FES: variants seen among roughly 807,000 people sequenced by gnomAD.
FES encodes tyrosine-protein kinase Fes/Fps.
A neutral mutation model predicts 109.6 loss-of-function variants in FES; 83 were observed. That is an observed-to-expected ratio of 0.76 (90% CI 0.63 to 0.91). The LOEUF (loss-of-function observed/expected upper bound fraction) is 0.91, where lower values mean the gene tolerates loss of function less well. Among genes scored for constraint, FES ranks in the 40% least tolerant of loss-of-function variants. FES has a pLI of 0.00. For missense variants in FES, 943 were observed against 1,070.9 expected (o/e 0.88, Z 1.67); for synonymous variants, 458 against 442.1 (o/e 1.04, Z -0.45).
chr15:90,889,085 C>T lies in FES; in HGVS notation c.669-221C>T, dbSNP rs2032944058. On this transcript the variant is annotated intron_variant, in intron 5 of 18. Transcript: ENST00000328850. The surrounding 1 kb of genome is among the most constrained non-coding windows in gnomAD (Gnocchi z 6.1). The stretch of plus-strand genomic sequence containing the variant: ...TATAGGCGTGAGCCACTGTGCCTGG[C>T]CCACTGGATCCTTATTACAACTGCC... The T allele has an allele frequency of 3.4e-6, 2 of 590,304 alleles. No individual in the cohort carries two copies. The highest frequency in any genetic ancestry group is 2.2e-5 in the South Asian group (1 of 46,286). The allele number at this position is 590,304 out of a possible 1,614,324, so 36.6% of individuals were successfully genotyped here.
intron 3 of FES, among the ~76,000 whole-genome samples, chr15:90,886,271 T>A (rs2032612499): frequency 6.6e-6 from 1 of 152,260 alleles, no homozygotes; most frequent in African/African-American, 2.4e-5. Context: ...AAAGTTTTGC[T>A]GGAACACAGC....
At chr15:90,892,678 G>C in intron 13 of FES, 29 bp from the exon 14 acceptor site, 1 of 1,569,706 alleles carries the variant, frequency 6.4e-7, no homozygotes, top group Non-Finnish European at 8.7e-7. Flanking sequence ...GACTGGGAAG[G>C]CCGTGGTAGG....
chr15:90,889,138 TAGA>T lies in FES; in HGVS notation c.669-164_669-162del. 1 of 785,456 alleles carries T rather than the reference TAGA, an allele frequency of 1.3e-6. No individual in the cohort carries two copies. The highest frequency in any genetic ancestry group is 2.0e-6 in the Non-Finnish European group (1 of 501,316). 48.7% of individuals were successfully genotyped at this position (785,456 alleles called of 1,614,324 possible). A position where few individuals can be genotyped will look rare whatever the true frequency, so the allele number is the denominator to read the frequency against. On this transcript the variant is annotated intron_variant, in intron 5 of 18. Coordinates refer to ENST00000328850, the MANE Select transcript of FES (RefSeq NM_002005.4). This position sits in a 1 kb window ranked among gnomAD's most constrained non-coding sequence, Gnocchi z 6.1. ...TGTCCCTCTTATATATATCAGGAAA[TAGA>T]AGATTAGGGAGAGGTTAAATAATTT...
At chr15:90,890,013 C>G in intron 8 of FES, 51 bp downstream of exon 8, 1 of 1,596,460 alleles carries the variant, frequency 6.3e-7, no homozygotes, top group Non-Finnish European at 8.5e-7. Flanking sequence ...TCCCTCCTAC[C>G]TACCCTAACT....
Position 90,890,142 on chromosome 15 carries a change from T to C in FES, c.1100T>C (p.Leu367Pro), listed in dbSNP as rs1567097661. 1 of 1,587,884 alleles carries C rather than the reference T, an allele frequency of 6.3e-7. No individual in the cohort carries two copies. The highest frequency in any genetic ancestry group is 1.1e-5 in the South Asian group (1 of 89,296). Residue 367 changes from leucine to proline, a missense_variant, in exon 9 of 19, where the codon CTG (leucine) becomes CCG (proline). Leu to Pro is a moderately conservative substitution (Grantham distance 98). Transcript: ENST00000328850. ...RQVLQEALQG[L>P]QVALCSQAKL... ...GTGCTGCAAGAAGCACTGCAGGGGC[T>C]GCAGGTAGCGCTGTGCAGCCAGGCC...
intron 9 of FES, 26 bp downstream of exon 9, chr15:90,890,304 G>A (rs776814325): frequency 6.3e-7 from 1 of 1,586,512 alleles, no homozygotes; most frequent in South Asian, 1.1e-5. Context: ...CGCGGCCGCT[G>A]CCCGCCACCG....
At position 90,890,411 on chromosome 15, in the gene FES, G is replaced by A. The variant is rs769925657; in HGVS notation, c.1247G>A (p.Arg416Gln). 2.1e-5 allele frequency: 34 copies of A among 1,612,860 alleles called. No homozygotes were observed. Among genetic ancestry groups the A allele is most frequent in the Non-Finnish European group, 2.5e-5 (30 of 1,179,910 alleles). ...RHSTSSSEQEREGGRTPTLEI... is the reference protein window; with the variant it reads ...RHSTSSSEQEQEGGRTPTLEI... Reference sequence around the variant, plus strand: ...TGTCCCTGGCCTCAGGAGCAGGAGCGAGAGGGGGGAAGGACACCCACGCTG... The same window carrying A: ...TGTCCCTGGCCTCAGGAGCAGGAGCAAGAGGGGGGAAGGACACCCACGCTG... The change falls in exon 10 of 19, where the codon CGA (arginine) becomes CAA (glutamine). Residue 416 changes from arginine (R) to glutamine (Q), a missense_variant. By Grantham distance (43) the Arg-to-Gln change is conservative. Transcript: ENST00000328850.
Position 90,893,326 on chromosome 15 carries a change from G to T in FES, c.1957G>T (p.Ala653Ser). Reference protein sequence around the residue: ...DFLTFLRTEGARLRVKTLLQM... With the variant: ...DFLTFLRTEGSRLRVKTLLQM... The stretch of plus-strand genomic sequence containing the variant: ...CCTGACCTTCCTCCGCACGGAGGGG[G>T]CCCGCCTGCGGGTGAAGACTCTGCT... The change falls in exon 16 of 19, where the codon GCC becomes TCC. Residue 653 changes from alanine (A) to serine (S), a missense_variant. By Grantham distance (99) the Ala-to-Ser change is moderately conservative (BLOSUM62 1). Coordinates refer to ENST00000328850, the MANE Select transcript of FES (RefSeq NM_002005.4). The T allele has an allele frequency of 6.4e-7, 1 of 1,565,778 alleles. No individual in the cohort carries two copies.
intron 3 of FES, among the ~76,000 whole-genome samples, 154 bp downstream of exon 3, chr15:90,885,739 C>G (rs2032542005): frequency 6.6e-6 from 1 of 152,268 alleles, no homozygotes; most frequent in African/African-American, 2.4e-5. Context: ...TTCCTCTCTT[C>G]CTTCCCCTAC....
intron 18 of FES, among the ~76,000 whole-genome samples, chr15:90,894,824 T>C (rs1203812246): frequency 6.6e-6 from 1 of 152,118 alleles, no homozygotes; most frequent in Non-Finnish European, 1.5e-5. Flanking sequence ...TTCAACATTT[T>C]GGGAGGCTGA....
At position 90,889,376 on chromosome 15, in the gene FES, G is replaced by A; in HGVS notation, c.739G>A (p.Glu247Lys). ...VQDEVVAIHR[E>K]MAAAAARIQP... ...GGATGAGGTGGTGGCCATTCACCGG[G>A]AGATGGCTGCAGCTGCTGCCCGCAT... Residue 247 changes from glutamate to lysine, a missense_variant, in exon 6 of 19, where the codon GAG becomes AAG. Physicochemically the swap from Glu to Lys is moderately conservative, Grantham distance 56. Coordinates refer to ENST00000328850, the MANE Select transcript of FES (RefSeq NM_002005.4). This position sits in a 1 kb window ranked among gnomAD's most constrained non-coding sequence, Gnocchi z 6.1. 6.2e-7 allele frequency: 1 copy of A among 1,614,098 alleles called. No individual in the cohort carries two copies. Among genetic ancestry groups the A allele is most frequent in the Non-Finnish European group, 8.5e-7 (1 of 1,180,030 alleles).
At chr15:90,895,027 A>C (rs1280771694) in intron 18 of FES, among the ~76,000 whole-genome samples, 1 of 152,166 alleles carries the variant, frequency 6.6e-6, no homozygotes, top group Non-Finnish European at 1.5e-5. Context: ...AGATCACACC[A>C]CTGCATTCCA....
In FES at chr15:90,889,348, G is replaced by A. The variant is rs2032972841; in HGVS notation, c.711G>A (p.Val237=). 1.2e-6 allele frequency: 2 copies of A among 1,613,916 alleles called. No individual in the cohort carries two copies. Among genetic ancestry groups the A allele is most frequent in the South Asian group, 1.1e-5 (1 of 91,094 alleles). ...AATACCTGGAGATTAGCAGCCTGGT[G>A]CAGGATGAGGTGGTGGCCATTCACC... ...LQEYLEISSL[V]QDEVVAIHRE... is the part of the protein sequence containing the mutation. The change falls in exon 6 of 19, where the codon GTG becomes GTA. Residue 237 remains valine (V), a synonymous_variant. Transcript: ENST00000328850. The surrounding 1 kb of genome is among the most constrained non-coding windows in gnomAD (Gnocchi z 6.1).
chr15:90,885,312 T>C, intron 2 of FES, 54 bp downstream of exon 2: 6 of 1,601,666 alleles, frequency 3.7e-6, no homozygotes, highest in Non-Finnish European at 5.1e-6. Context: ...TTCTCCTTCC[T>C]CTCCTGGGGG....
At chr15:90,890,348 G>T in intron 9 of FES, 53 bp from the exon 10 acceptor site, 1 of 1,595,196 alleles carries the variant, frequency 6.3e-7, no homozygotes, top group Non-Finnish European at 8.5e-7. Flanking sequence ...CCTCATTTTC[G>T]CCCTCCCCCT....
At chr15:90,888,286 A>C (rs888765715) in intron 5 of FES, among the ~76,000 whole-genome samples, 1 of 152,082 alleles carries the variant, frequency 6.6e-6, no homozygotes, top group African/African-American at 2.4e-5. Context: ...TTGTATTTTT[A>C]GTAGAGATGG....
chr15:90,891,359 T>G, intron 11 of FES, 168 bp downstream of exon 11: 2 of 1,051,760 alleles, frequency 1.9e-6, no homozygotes, highest in Middle Eastern at 3.1e-4. Flanking sequence ...TGCAACAAAA[T>G]AGAGGCTTAA....
chr15:90,892,913 TG>T, intron 14 of FES, 88 bp downstream of exon 14: 5 of 1,446,784 alleles, frequency 3.5e-6, no homozygotes, highest in Non-Finnish European at 4.8e-6. Flanking sequence ...ACCACCGTGG[TG>T]GTGTTTAGTC....
chr15:90,887,058 G>C lies in FES; in HGVS notation c.484+1G>C, dbSNP rs750243607. 2 of 1,614,072 alleles carry C rather than the reference G, an allele frequency of 1.2e-6. No individual in the cohort carries two copies. Among genetic ancestry groups the C allele is most frequent in the South Asian group, 2.2e-5 (2 of 91,088 alleles). ...CGCAAGTACCAGGAGGCCAGCAAAGGTTCGTGGCTTCCCTTGCTGGCAGGG... is the reference window on the plus strand; with the variant it reads ...CGCAAGTACCAGGAGGCCAGCAAAGCTTCGTGGCTTCCCTTGCTGGCAGGG... On this transcript the variant is annotated splice_donor_variant, in intron 4 of 18. Coordinates refer to ENST00000328850, the MANE Select transcript of FES (RefSeq NM_002005.4). LOFTEE classifies it high-confidence loss of function.
Sources: gnomAD v4.1 joint callset for allele counts (sites outside exome capture counted in the v4.1 genomes callset) on GRCh38, gnomAD v4.1.1 for gene constraint, Gnocchi (gnomAD v3.1) non-coding constraint, MANE v1.5 for transcripts, NCBI Gene and HGNC (gene_info 2026-07-23, HGNC 2026-07-21) for gene names.